ANXA11: variants seen among roughly 807,000 people sequenced by gnomAD.
ANXA11 encodes annexin A11.
ANXA11 carries 57 observed loss-of-function variants against 64.7 expected under a neutral mutation model. That is an observed-to-expected ratio of 0.88 (90% confidence interval 0.71 to 1.10). The LOEUF is 1.10. Among genes scored for constraint, ANXA11 ranks in the 50% least tolerant of loss-of-function variants. The pLI, the probability that ANXA11 is intolerant of heterozygous loss-of-function variation, is 0.00. For synonymous variants in ANXA11, 260 were observed against 265.2 expected (o/e 0.98, Z 0.19); for missense variants, 675 against 670.7 (o/e 1.01, Z -0.07).
At chr10:80,203,046 A>T (rs932154851) in intron 1 of ANXA11, among the ~76,000 whole-genome samples, 1 of 54,956 alleles carries the variant, frequency 1.8e-5, no homozygotes, top group African/African-American at 1.3e-4. Context: ...ATCTGTCTCA[A>T]AAAAAAAAAA....
chr10:80,201,158 C>T (rs1350164118), intron 1 of ANXA11, among the ~76,000 whole-genome samples: 2 of 152,288 alleles, frequency 1.3e-5, no homozygotes, highest in African/African-American at 4.8e-5. Flanking sequence ...CTTCTGCTCA[C>T]ATCATCCCAC....
intron 9 of ANXA11, 28 bp from the exon 10 acceptor site, chr10:80,163,641 T>C (rs1376157669): frequency 1.3e-6 from 2 of 1,543,360 alleles, no homozygotes; most frequent in Non-Finnish European, 1.8e-6. Flanking sequence ...GGAAGGTCCA[T>C]CCTGTAGCTC....
intron 3 of ANXA11, chr10:80,171,946 C>T (rs918256647): frequency 4.1e-6 from 4 of 982,836 alleles, no homozygotes; most frequent in Non-Finnish European, 4.8e-6. Context: ...GGGACAGCAG[C>T]TGAGCCACCT....
At chr10:80,194,554 G>A (rs910766949) in intron 1 of ANXA11, among the ~76,000 whole-genome samples, 5 of 152,132 alleles carry the variant, frequency 3.3e-5, no homozygotes, top group African/African-American at 1.2e-4. Context: ...TTCAGAAAAT[G>A]TGTTCCCTGG....
intron 1 of ANXA11, among the ~76,000 whole-genome samples, chr10:80,190,901 G>A (rs899824387): frequency 7.2e-5 from 11 of 151,798 alleles, no homozygotes; most frequent in Admixed American, 5.2e-4. Flanking sequence ...GACCAGCCTG[G>A]GCAACATAGT....
rs1048352092 is a variant in ANXA11, at chr10:80,155,706, G to C, written c.*147C>G. 1 of 814,702 alleles carries C rather than the reference G, an allele frequency of 1.2e-6. No homozygotes were observed. The highest frequency in any genetic ancestry group is 2.1e-6 in the Non-Finnish European group (1 of 480,878). 50.5% of individuals were successfully genotyped at this position (814,702 alleles called of 1,614,324 possible). The stretch of plus-strand genomic sequence containing the variant: ...CCCAGGTCCTGTGGCACACTATACG[G>C]GTCAGGAGGGGTGGAAGACAGGCCT... On this transcript the variant is annotated 3_prime_UTR_variant, in exon 16 of 16. Coordinates refer to ENST00000422982, the MANE Select transcript of ANXA11 (RefSeq NM_145868.2).
rs762195771 is a variant in ANXA11 at position 80,168,965 on chromosome 10, T to A, written c.561+4A>T. 3 of 1,521,600 alleles carry A rather than the reference T, an allele frequency of 2.0e-6. No homozygotes were observed. Among genetic ancestry groups the A allele is most frequent in the Non-Finnish European group, 2.6e-6 (3 of 1,139,988 alleles). 94.3% of individuals were successfully genotyped at this position (1,521,600 alleles called of 1,614,324 possible). On this transcript the variant is annotated splice_donor_region_variant and intron_variant, in intron 5 of 15. Coordinates refer to ENST00000422982, the MANE Select transcript of ANXA11 (RefSeq NM_145868.2). ...ACCAAGGGAGGCAGTGGGCTGACACTCACCTGGGTTGGGGGCACAGCGGGG... is the reference window on the plus strand; with the variant it reads ...ACCAAGGGAGGCAGTGGGCTGACACACACCTGGGTTGGGGGCACAGCGGGG...
chr10:80,184,488 T>C (rs1375339875), intron 1 of ANXA11, among the ~76,000 whole-genome samples: 1 of 152,104 alleles, frequency 6.6e-6, no homozygotes, highest in Non-Finnish European at 1.5e-5. Context: ...ATCATAAAGT[T>C]GAAAAACTGT....
intron 1 of ANXA11, among the ~76,000 whole-genome samples, chr10:80,183,566 G>C (rs943381855): frequency 6.6e-6 from 1 of 152,204 alleles, no homozygotes; most frequent in Non-Finnish European, 1.5e-5. Flanking sequence ...GTGGCGGAGA[G>C]GGTCCATGGT....
intron 1 of ANXA11, among the ~76,000 whole-genome samples, chr10:80,178,127 G>A (rs1846233736): frequency 1.3e-5 from 2 of 151,994 alleles, no homozygotes; most frequent in South Asian, 4.2e-4. Flanking sequence ...GACTTCTAAG[G>A]CCCTCGGGTC....
chr10:80,202,699 T>A (rs1422382815), intron 1 of ANXA11, among the ~76,000 whole-genome samples: 2 of 152,116 alleles, frequency 1.3e-5, no homozygotes, highest in African/African-American at 2.4e-5. Flanking sequence ...CGCTTCCCCA[T>A]GGGAACAAGT....
intron 1 of ANXA11, among the ~76,000 whole-genome samples, chr10:80,188,765 C>T (rs1317316035): frequency 6.6e-6 from 1 of 152,156 alleles, no homozygotes; most frequent in Non-Finnish European, 1.5e-5. Context: ...CAGTTATCTT[C>T]ACTCTGTGAC....
intron 1 of ANXA11, among the ~76,000 whole-genome samples, chr10:80,179,963 T>C (rs1846298618): frequency 6.6e-6 from 1 of 152,164 alleles, no homozygotes. Context: ...GAGTCTGGCA[T>C]GACAGCACTG....
At chr10:80,172,928 G>A in intron 2 of ANXA11, 59 bp from the exon 3 acceptor site, 1 of 1,514,752 alleles carries the variant, frequency 6.6e-7, no homozygotes, top group Non-Finnish European at 9.1e-7. Flanking sequence ...CTGGCCCGTG[G>A]GACCCAGCTT....
At chr10:80,197,457 T>C (rs893531406) in intron 1 of ANXA11, among the ~76,000 whole-genome samples, 4 of 151,882 alleles carry the variant, frequency 2.6e-5, no homozygotes, top group Admixed American at 6.6e-5. Flanking sequence ...AGAATGGGGG[T>C]TGGCAACCAC....
intron 2 of ANXA11, 178 bp from the exon 3 acceptor site, chr10:80,173,047 A>T (rs144869415): frequency 1.5e-5 from 9 of 586,564 alleles, no homozygotes; most frequent in African/African-American, 5.7e-5. Flanking sequence ...CTCCAGCTAG[A>T]AACAGTACCC....
intron 1 of ANXA11, among the ~76,000 whole-genome samples, chr10:80,182,507 G>A (rs370457823): frequency 4.8e-4 from 73 of 152,226 alleles, no homozygotes; most frequent in African/African-American, 1.7e-3. Flanking sequence ...ATGCATATGT[G>A]TTTATACATG....
intron 1 of ANXA11, among the ~76,000 whole-genome samples, chr10:80,205,108 G>A (rs1319136094): frequency 6.6e-6 from 1 of 152,094 alleles, no homozygotes; most frequent in African/African-American, 2.4e-5. Flanking sequence ...GACCACACAT[G>A]AGGGAGCAGC....
At position 80,156,051 on chromosome 10, in the gene ANXA11, C is replaced by T. The variant is rs148335169; in HGVS notation, c.1459-139G>A. 23 of 805,682 alleles carry T rather than the reference C, an allele frequency of 2.9e-5. No individual in the cohort carries two copies. In the South Asian group the frequency reaches 3.4e-4, roughly 12 times the overall value. 49.9% of individuals were successfully genotyped at this position (805,682 alleles called of 1,614,324 possible). ...GAATTTTCTCCCACTGCAGGTCCTGCAGCAGGCGTCACAGACCTTAAAAAA... is the reference window on the plus strand; with the variant it reads ...GAATTTTCTCCCACTGCAGGTCCTGTAGCAGGCGTCACAGACCTTAAAAAA... On this transcript the variant is annotated intron_variant, in intron 15 of 15. Coordinates refer to ENST00000422982, the MANE Select transcript of ANXA11 (RefSeq NM_145868.2).
Sources: allele counts gnomAD v4.1 joint callset (sites outside exome capture counted in the v4.1 genomes callset), GRCh38; gene constraint gnomAD v4.1.1; transcripts MANE v1.5; gene names NCBI Gene and HGNC (gene_info 2026-07-23, HGNC 2026-07-21).